Variants in SND1 observed in about 807,000 individuals in gnomAD.
SND1 encodes the protein staphylococcal nuclease and tudor domain containing 1.
A neutral mutation model predicts 121.7 loss-of-function variants in SND1; 38 were observed. The ratio of observed to expected loss-of-function variants is 0.31; its 90% confidence interval spans 0.24 to 0.41. SND1 has a LOEUF of 0.41. Ranked by LOEUF, SND1 falls within the 10% of genes least tolerant of loss-of-function variation. SND1 has a pLI of 1.00. For synonymous variants in SND1, 401 were observed against 447.4 expected (o/e 0.90, Z 1.31); for missense variants, 868 against 1,184.6 (o/e 0.73, Z 3.92).
intron 12 of SND1, among the ~76,000 whole-genome samples, chr7:127,861,446 G>A (rs920677923): frequency 5.3e-5 from 8 of 152,046 alleles, no homozygotes; most frequent in South Asian, 4.1e-4. Flanking sequence ...CTCTCTGCCC[G>A]TCTACCTGGT....
At chr7:127,683,715 A>G (rs1214795121) in intron 1 of SND1, among the ~76,000 whole-genome samples, 1 of 152,152 alleles carries the variant, frequency 6.6e-6, no homozygotes, top group African/African-American at 2.4e-5. Flanking sequence ...CTCCTGGAGG[A>G]GTAGGAATAG....
intron 13 of SND1, among the ~76,000 whole-genome samples, chr7:127,888,399 T>C (rs919529136): frequency 3.3e-5 from 5 of 152,144 alleles, no homozygotes; most frequent in Non-Finnish European, 7.4e-5. Context: ...CCTCTACTCC[T>C]AGCCCCTCCC....
chr7:128,077,326 A>C (rs1376720586), intron 17 of SND1, among the ~76,000 whole-genome samples: 1 of 152,222 alleles, frequency 6.6e-6, no homozygotes. Context: ...GGGAAGAGAG[A>C]GAGCCAGGGC....
chr7:127,908,544 A>G (rs1459981336), intron 14 of SND1, among the ~76,000 whole-genome samples: 1 of 152,030 alleles, frequency 6.6e-6, no homozygotes, highest in Non-Finnish European at 1.5e-5. Context: ...TGCCATTTCT[A>G]TCATAGTCTA....
intron 1 of SND1, among the ~76,000 whole-genome samples, chr7:127,681,506 T>A (rs916085124): frequency 6.6e-6 from 1 of 152,218 alleles, no homozygotes; most frequent in Admixed American, 6.5e-5. Flanking sequence ...CCAATTTATT[T>A]ATTTATTTTT....
chr7:127,972,584 A>G (rs148626760), intron 15 of SND1, among the ~76,000 whole-genome samples: 228 of 149,658 alleles, frequency 1.5e-3, no homozygotes, highest in Non-Finnish European at 2.7e-3. Flanking sequence ...AAATGGAATC[A>G]CAATCTTAGT....
chr7:127,652,502 T>G (rs980413914), intron 1 of SND1, 51 bp downstream of exon 1: 17 of 1,445,190 alleles, frequency 1.2e-5, no homozygotes, highest in Non-Finnish European at 1.6e-5. Context: ...CGGGCGGGAG[T>G]CAGGCATTGA....
chr7:127,995,814 G>GT (rs1278720393), intron 16 of SND1, among the ~76,000 whole-genome samples: 12 of 152,212 alleles, frequency 7.9e-5, no homozygotes, highest in African/African-American at 2.9e-4. Flanking sequence ...CAGTGTCATA[G>GT]TTTAACTGTC....
rs905420892 is a variant in SND1, at chr7:127,950,079, T to C, written c.1669+20750T>C. ...CTTTAGGATCCCAAGAGCTTTAGAA[T>C]AGTGCTTTCCAAACTTATTTAATGG... On this transcript the variant is annotated intron_variant, in intron 15 of 23. Transcript: ENST00000354725. Among the ~76,000 whole-genome samples, 3 of 152,290 alleles carry C rather than the reference T, an allele frequency of 2.0e-5. No homozygotes were observed. In the East Asian group the frequency reaches 5.8e-4, roughly 29 times the overall value.
chr7:127,683,523 G>A (rs2116297625), intron 1 of SND1, among the ~76,000 whole-genome samples: 1 of 152,304 alleles, frequency 6.6e-6, no homozygotes, highest in Non-Finnish European at 1.5e-5. Flanking sequence ...AGCCTGTAGT[G>A]TGTTTTGAAT....
chr7:127,694,069 G>C (rs1795968127), intron 2 of SND1, among the ~76,000 whole-genome samples: 1 of 152,164 alleles, frequency 6.6e-6, no homozygotes, highest in Admixed American at 6.5e-5. Flanking sequence ...CATTATCAAG[G>C]TGATCCTTTG....
chr7:127,660,653 T>TA (rs1423444702), intron 1 of SND1, among the ~76,000 whole-genome samples: 3 of 152,236 alleles, frequency 2.0e-5, no homozygotes, highest in Admixed American at 2.0e-4. Context: ...CTTTGAGCAT[T>TA]ATGTTAGTGT....
chr7:128,011,596 T>C (rs1276492403), intron 16 of SND1, among the ~76,000 whole-genome samples: 1 of 152,180 alleles, frequency 6.6e-6, no homozygotes, highest in Admixed American at 6.5e-5. Context: ...CAGCTGCACA[T>C]TGGAATCATG....
chr7:127,692,801 A>G (rs373650896), intron 2 of SND1, among the ~76,000 whole-genome samples: 63 of 152,336 alleles, frequency 4.1e-4, no homozygotes, highest in African/African-American at 1.5e-3. Flanking sequence ...CAAGACCTCC[A>G]GTGTGGTTTT....
chr7:127,823,511 A>G (rs1230846517), intron 11 of SND1, among the ~76,000 whole-genome samples: 2 of 152,220 alleles, frequency 1.3e-5, no homozygotes, highest in Non-Finnish European at 2.9e-5. Context: ...AAGAAACTAA[A>G]GAAAGGGCAA....
At chr7:128,009,391 T>C (rs1803059915) in intron 16 of SND1, among the ~76,000 whole-genome samples, 1 of 152,144 alleles carries the variant, frequency 6.6e-6, no homozygotes, top group Non-Finnish European at 1.5e-5. Flanking sequence ...CCAAGTTCAA[T>C]TATCCTCAAA....
At chr7:127,675,519 G>T (rs755703457) in intron 1 of SND1, among the ~76,000 whole-genome samples, 2 of 152,072 alleles carry the variant, frequency 1.3e-5, no homozygotes, top group African/African-American at 2.4e-5. Context: ...TTTATGCTTT[G>T]TTTTCTCAGA....
At chr7:127,705,510 T>C (rs1796172608) in intron 8 of SND1, among the ~76,000 whole-genome samples, 1 of 152,200 alleles carries the variant, frequency 6.6e-6, no homozygotes, top group African/African-American at 2.4e-5. Context: ...GAATAACTTG[T>C]TTCTAGAAAA....
At chr7:127,825,118 T>G (rs566789121) in intron 11 of SND1, among the ~76,000 whole-genome samples, 2 of 152,298 alleles carry the variant, frequency 1.3e-5, no homozygotes, top group South Asian at 4.1e-4. Flanking sequence ...ACATATATTT[T>G]TTTTAAATAA....
Sources: gnomAD v4.1 joint callset for allele counts (sites outside exome capture counted in the v4.1 genomes callset) on GRCh38, gnomAD v4.1.1 for gene constraint, MANE v1.5 for transcripts, NCBI Gene and HGNC (gene_info 2026-07-23, HGNC 2026-07-21) for gene names.